The following ECSIT variants were observed in gnomAD, a reference collection of about 807,000 sequenced individuals.
ECSIT encodes ECSIT signaling integrator.
A neutral mutation model predicts 36.8 loss-of-function variants in ECSIT; 29 were observed. The observed-to-expected ratio is 0.79, with a 90% confidence interval of 0.59 to 1.08. The LOEUF is 1.08. Ranked by LOEUF, ECSIT falls within the 50% of genes least tolerant of loss-of-function variation. The pLI is 0.00. For synonymous variants in ECSIT, 231 were observed against 234.8 expected, an observed-to-expected ratio of 0.98 and a Z score of 0.15; for missense variants, 542 against 581.0, an observed-to-expected ratio of 0.93 and a Z score of 0.69.
chr19:11,523,069 A>T (rs1972140737), intron 1 of ECSIT, among the ~76,000 whole-genome samples: 1 of 152,030 alleles, frequency 6.6e-6, no homozygotes, highest in Admixed American at 6.6e-5. Context: ...AAAGAAAAAA[A>T]AGTTACAGCT....
At chr19:11,514,290 CT>C (rs1971942415) in intron 2 of ECSIT, 69 bp from the exon 3 acceptor site, 2 of 1,450,816 alleles carry the variant, frequency 1.4e-6, no homozygotes, top group African/African-American at 2.8e-5. Flanking sequence ...CAGGCTGGCT[CT>C]TTCCTCAGAG....
Position 11,505,975 on chromosome 19 carries a change from G to A in ECSIT, c.*209C>T, listed in dbSNP as rs1215425314. On this transcript the variant is annotated 3_prime_UTR_variant, in exon 8 of 8. Transcript: ENST00000270517. ...CCGCCCCTTTTTATTTGAATTCGGA[G>A]AACCAGAGGCGCCTGCAGATTCTGG... 1.0e-6 allele frequency: 1 copy of A among 969,058 alleles called. No homozygotes were observed. 60.0% of individuals were successfully genotyped at this position (969,058 alleles called of 1,614,324 possible).
chr19:11,513,669 A>C, intron 3 of ECSIT, 135 bp downstream of exon 3: 1 of 1,064,390 alleles, frequency 9.4e-7, no homozygotes, highest in Non-Finnish European at 1.4e-6. Context: ...TGATGAAAAG[A>C]GGGATTCGGA....
chr19:11,521,437 A>G (rs143591735), intron 1 of ECSIT, among the ~76,000 whole-genome samples: 2 of 151,214 alleles, frequency 1.3e-5, no homozygotes, highest in East Asian at 3.9e-4. Flanking sequence ...TGAACAGCAT[A>G]AGTCCATTTA....
At chr19:11,524,132 C>G (rs1972163909) in intron 1 of ECSIT, among the ~76,000 whole-genome samples, 1 of 151,904 alleles carries the variant, frequency 6.6e-6, no homozygotes, top group Non-Finnish European at 1.5e-5. Context: ...ATTTTCCAGG[C>G]TGATCTCAAA....
chr19:11,511,757 G>T (rs118002989), intron 4 of ECSIT, among the ~76,000 whole-genome samples: 1 of 152,190 alleles, frequency 6.6e-6, no homozygotes, highest in East Asian at 1.9e-4. Flanking sequence ...GGTCTTGGCC[G>T]GGCACAGTGG....
intron 2 of ECSIT, among the ~76,000 whole-genome samples, chr19:11,517,455 G>A (rs994001887): frequency 2.6e-5 from 4 of 151,936 alleles, no homozygotes; most frequent in African/African-American, 9.7e-5. Flanking sequence ...AATTAGCCAG[G>A]TGTGGTGCCG....
Position 11,519,017 on chromosome 19 carries a change from G to A in ECSIT, c.96+58C>T, listed in dbSNP as rs1242505002. On this transcript the variant is annotated intron_variant, in intron 2 of 7. Coordinates refer to ENST00000270517, the MANE Select transcript of ECSIT (RefSeq NM_016581.5). This position sits in a 1 kb window ranked among gnomAD's most constrained non-coding sequence, Gnocchi z 4.4. ...TCACAGAGTGGATTCTGAAGGAGTTGGGAGCAAATCCCAAGCTTACCTCCC... is the reference window on the plus strand; with the variant it reads ...TCACAGAGTGGATTCTGAAGGAGTTAGGAGCAAATCCCAAGCTTACCTCCC... 3.5e-6 allele frequency: 5 copies of A among 1,425,910 alleles called. No homozygotes were observed. In the African/African-American group the frequency reaches 5.7e-5, roughly 16 times the overall value. 88.3% of individuals were successfully genotyped at this position (1,425,910 alleles called of 1,614,324 possible).
At chr19:11,522,382 C>T (rs542335016) in intron 1 of ECSIT, 39 of 934,400 alleles carry the variant, frequency 4.2e-5, no homozygotes, top group Non-Finnish European at 6.5e-5. Flanking sequence ...CAAGTCCCAC[C>T]GGCTGGCCGT....
chr19:11,519,860 T>C lies in ECSIT; in HGVS notation c.-23-667A>G, dbSNP rs1461235794. 1 of 151,056 alleles carries C rather than the reference T, an allele frequency of 6.6e-6. No homozygotes were observed. The highest frequency in any genetic ancestry group is 2.4e-5 in the African/African-American group (1 of 40,918). 9.4% of individuals were successfully genotyped at this position (151,056 alleles called of 1,614,324 possible). On this transcript the variant is annotated intron_variant, in intron 1 of 7. Transcript: ENST00000270517. This position sits in a 1 kb window ranked among gnomAD's most constrained non-coding sequence, Gnocchi z 4.4. ...GGCGCACGCCTGTAATTCCAGCTAC[T>C]GGGAAGGCTGACGTAGGAGAATTGC...
At position 11,519,931 on chromosome 19, in the gene ECSIT, T is replaced by C. The variant is rs1249084621; in HGVS notation, c.-23-738A>G. On this transcript the variant is annotated intron_variant, in intron 1 of 7. Transcript: ENST00000270517. The surrounding 1 kb of genome is among the most constrained non-coding windows in gnomAD (Gnocchi z 4.4). ...TTGCAGTGAGCCAAGATGATGCCAT[T>C]ACACCTCAGCCTGGGGAACAACAGC... The C allele has an allele frequency of 7.0e-6, 1 of 142,656 alleles. No homozygotes were observed. The highest frequency in any genetic ancestry group is 1.5e-5 in the Non-Finnish European group (1 of 66,644). The allele number at this position is 142,656 out of a possible 1,614,324, so 8.8% of individuals were successfully genotyped here.
chr19:11,513,207 T>A lies in ECSIT; in HGVS notation c.587A>T (p.Lys196Met), dbSNP rs1971909036. Residue 196 changes from lysine to methionine, a missense_variant, in exon 4 of 8, where the codon AAG becomes ATG. Lys to Met is a moderately conservative substitution (Grantham distance 95). Transcript: ENST00000270517. ...GAACCACAGCTTCAGGCGCACCAACTTGAGCATGGGGTAGCTTTTGCGTCC... is the reference window on the plus strand; with the variant it reads ...GAACCACAGCTTCAGGCGCACCAACATGAGCATGGGGTAGCTTTTGCGTCC... ...IFGRKSYPML[K>M]LVRLKLWFPR... 6.2e-7 allele frequency: 1 copy of A among 1,613,964 alleles called. No homozygotes were observed. The highest frequency in any genetic ancestry group is 1.3e-5 in the African/African-American group (1 of 74,888).
In ECSIT at chr19:11,522,439, G is replaced by A. The variant is rs1972124813; in HGVS notation, c.-23-3246C>T. 2.1e-6 allele frequency: 3 copies of A among 1,458,924 alleles called. No individual in the cohort carries two copies. In the Admixed American group the frequency reaches 5.2e-5, roughly 25 times the overall value. 90.4% of individuals were successfully genotyped at this position (1,458,924 alleles called of 1,614,324 possible). On this transcript the variant is annotated intron_variant, in intron 1 of 7. Transcript: ENST00000270517. The stretch of plus-strand genomic sequence containing the variant: ...GATCAAGTTCCCGCTGCCCCACCAG[G>A]TCCTGCGCCATCAGCACAAGCCACG...
At chr19:11,507,401 G>A (rs1239115306) in intron 7 of ECSIT, 56 bp downstream of exon 7, 1 of 1,430,578 alleles carries the variant, frequency 7.0e-7, no homozygotes, top group Non-Finnish European at 9.9e-7. Flanking sequence ...TCAGCCTGTA[G>A]GAGGGCTGGG....
intron 4 of ECSIT, among the ~76,000 whole-genome samples, chr19:11,511,685 G>A (rs1402852523): frequency 1.3e-5 from 2 of 152,112 alleles, no homozygotes; most frequent in Admixed American, 6.6e-5. Flanking sequence ...CCTTTGAGAG[G>A]AGAGGCACTT....
intron 1 of ECSIT, among the ~76,000 whole-genome samples, chr19:11,526,538 A>G (rs1410791985): frequency 6.6e-6 from 1 of 152,106 alleles, no homozygotes; most frequent in African/African-American, 2.4e-5. Context: ...TGAGTCCACT[A>G]TGTCCCTCAC....
intron 1 of ECSIT, among the ~76,000 whole-genome samples, chr19:11,526,719 CT>C (rs549859600): frequency 0.017 from 2,231 of 131,638 alleles, 39 homozygotes; most frequent in African/African-American, 0.055. Context: ...CCAGAGGGAG[CT>C]TTTTTTTTTT....
chr19:11,511,861 C>G (rs1002017057), intron 4 of ECSIT, among the ~76,000 whole-genome samples: 1 of 151,976 alleles, frequency 6.6e-6, no homozygotes, highest in African/African-American at 2.4e-5. Context: ...GGTAAAACCC[C>G]GTTTCTACTA....
chr19:11,519,045 T>A lies in ECSIT; in HGVS notation c.96+30A>T. 6.5e-7 allele frequency: 1 copy of A among 1,538,560 alleles called. No homozygotes were observed. Among genetic ancestry groups the A allele is most frequent in the Non-Finnish European group, 8.8e-7 (1 of 1,135,140 alleles). On this transcript the variant is annotated intron_variant, in intron 2 of 7. Coordinates refer to ENST00000270517, the MANE Select transcript of ECSIT (RefSeq NM_016581.5). This position sits in a 1 kb window ranked among gnomAD's most constrained non-coding sequence, Gnocchi z 4.4. Reference sequence around the variant, plus strand: ...AGCAAATCCCAAGCTTACCTCCCTCTACCCAAAAGACTGCCTGGCTGGTGC... The same window carrying A: ...AGCAAATCCCAAGCTTACCTCCCTCAACCCAAAAGACTGCCTGGCTGGTGC...
Sources: gnomAD v4.1 joint callset for allele counts (sites outside exome capture counted in the v4.1 genomes callset) on GRCh38, gnomAD v4.1.1 for gene constraint, Gnocchi (gnomAD v3.1) non-coding constraint, MANE v1.5 for transcripts, NCBI Gene and HGNC (gene_info 2026-07-23, HGNC 2026-07-21) for gene names.